Variants in BANK1 observed in about 807,000 individuals in gnomAD.
The protein encoded by BANK1 is B cell scaffold protein with ankyrin repeats 1, also known as B-cell scaffold protein with ankyrin repeats.
A neutral mutation model predicts 94.5 loss-of-function variants in BANK1; 95 were observed. The observed-to-expected ratio is 1.00, with a 90% CI of 0.85 to 1.19. The LOEUF is 1.19. Among genes scored for constraint, BANK1 ranks in the 50% most tolerant of loss-of-function variants. The pLI, the probability that BANK1 is intolerant of heterozygous loss-of-function variation, is 0.00. For synonymous variants in BANK1, 334 were observed against 308.4 expected (o/e 1.08, Z -0.87); for missense variants, 987 against 932.2 (o/e 1.06, Z -0.77).
chr4:101,843,156 AAC>A (rs1352668837), intron 2 of BANK1, among the ~76,000 whole-genome samples: 13 of 152,228 alleles, frequency 8.5e-5, no homozygotes, highest in Non-Finnish European at 1.8e-4. Flanking sequence ...TCAAACAAAA[AAC>A]AGTGTCCACT....
intron 1 of BANK1, among the ~76,000 whole-genome samples, chr4:101,794,785 A>G (rs959190939): frequency 6.6e-6 from 1 of 152,180 alleles, no homozygotes; most frequent in Non-Finnish European, 1.5e-5. Context: ...CTGCACTGAA[A>G]TAATCCAGAA....
intron 7 of BANK1, among the ~76,000 whole-genome samples, chr4:102,015,999 A>G (rs1456973405): frequency 2.0e-5 from 3 of 152,156 alleles, no homozygotes; most frequent in Non-Finnish European, 1.5e-5. Flanking sequence ...ATATCCTTCC[A>G]TGCAACCTAA....
intron 2 of BANK1, among the ~76,000 whole-genome samples, chr4:101,836,454 T>C (rs775483052): frequency 6.6e-6 from 1 of 152,170 alleles, no homozygotes; most frequent in Non-Finnish European, 1.5e-5. Flanking sequence ...CACTCCAACC[T>C]GGGCGACAGA....
intron 5 of BANK1, 49 bp from the exon 6 acceptor site, chr4:101,895,256 T>C: frequency 9.3e-7 from 1 of 1,069,782 alleles, no homozygotes; most frequent in Non-Finnish European, 1.4e-6. Context: ...AATGAGTTTC[T>C]ATGTAAATAA....
At chr4:101,907,391 A>G (rs1578391271) in intron 6 of BANK1, among the ~76,000 whole-genome samples, 1 of 152,212 alleles carries the variant, frequency 6.6e-6, no homozygotes, top group Non-Finnish European at 1.5e-5. Flanking sequence ...ATTAGGTATT[A>G]ATGGAACATA....
At chr4:101,794,739 C>T (rs1015648094) in intron 1 of BANK1, among the ~76,000 whole-genome samples, 4 of 151,984 alleles carry the variant, frequency 2.6e-5, no homozygotes, top group South Asian at 2.1e-4. Context: ...AGGCATTTAC[C>T]CCTGAATTGA....
At position 101,979,237 on chromosome 4, in the gene BANK1, G is replaced by A. The variant is rs146474822; in HGVS notation, c.1207-42277G>A. Among the ~76,000 whole-genome samples, 940 of 151,910 alleles carry A rather than the reference G, an allele frequency of 6.2e-3. 10 individuals carry two copies. Among genetic ancestry groups the A allele is most frequent in the African/African-American group, 0.021 (869 of 41,512 alleles). ...ATTGTTATATTTCACTGCAGCAAAG[G>A]CTTTCTTAAGAAAAAAAACAGACTG... On this transcript the variant is annotated intron_variant, in intron 7 of 16. Transcript: ENST00000322953.
chr4:101,893,438 A>G (rs1721949223), intron 5 of BANK1, among the ~76,000 whole-genome samples: 1 of 152,086 alleles, frequency 6.6e-6, no homozygotes, highest in African/African-American at 2.4e-5. Flanking sequence ...CTCCTCATGT[A>G]AAAATGTCAA....
intron 7 of BANK1, among the ~76,000 whole-genome samples, chr4:101,942,137 C>T (rs1723771439): frequency 6.6e-6 from 1 of 151,878 alleles, no homozygotes; most frequent in African/African-American, 2.4e-5. Context: ...GGGTGACTAC[C>T]AGCCTCAGCA....
intron 11 of BANK1, among the ~76,000 whole-genome samples, chr4:102,056,397 T>G (rs1728228467): frequency 6.6e-6 from 1 of 152,104 alleles, no homozygotes; most frequent in Non-Finnish European, 1.5e-5. Context: ...AAGAGAATGA[T>G]TAAATACTTT....
chr4:101,826,998 GT>G (rs1264015940), intron 1 of BANK1, among the ~76,000 whole-genome samples: 1 of 151,862 alleles, frequency 6.6e-6, no homozygotes, highest in Non-Finnish European at 1.5e-5. Context: ...TACATGCTCT[GT>G]TTTCAGAGGA....
chr4:101,895,407 A>T lies in BANK1; in HGVS notation c.1006A>T (p.Lys336Ter). Residue 336 changes from lysine (K) to a stop codon, truncating the protein, a stop_gained, in exon 6 of 17, where the codon AAA (lysine) becomes TAA (stop). Transcript: ENST00000322953. LOFTEE classifies it high-confidence loss of function. ...SLQTEICSQN[K>*]YTHFKELPTL... ...TCAAACTGAAATTTGTTCTCAAAAC[A>T]AATGTGAGTATTTTCCAGCTGCATC... 6.6e-7 allele frequency: 1 copy of T among 1,520,886 alleles called. No individual in the cohort carries two copies. Among genetic ancestry groups the T allele is most frequent in the Non-Finnish European group, 9.1e-7 (1 of 1,104,514 alleles). 94.2% of individuals were successfully genotyped at this position (1,520,886 alleles called of 1,614,324 possible).
At chr4:101,791,018 G>A in intron 1 of BANK1, 68 bp downstream of exon 1, 1 of 1,307,742 alleles carries the variant, frequency 7.6e-7, no homozygotes, top group Non-Finnish European at 1.0e-6. Context: ...GGAGACCACG[G>A]GCCATCGTTA....
At chr4:101,895,556 C>A (rs958756872) in intron 6 of BANK1, 146 bp downstream of exon 6, 30 of 516,562 alleles carry the variant, frequency 5.8e-5, no homozygotes, top group Non-Finnish European at 8.6e-5. Context: ...TGAAAGGGTA[C>A]ATTAGTACAA....
intron 13 of BANK1, among the ~76,000 whole-genome samples, chr4:102,064,835 A>C (rs1728537057): frequency 6.6e-6 from 1 of 152,152 alleles, no homozygotes; most frequent in Non-Finnish European, 1.5e-5. Context: ...TCCTGACTAC[A>C]CTCTGAGCAA....
chr4:102,053,903 T>C (rs1457063336), intron 11 of BANK1, among the ~76,000 whole-genome samples: 1 of 151,816 alleles, frequency 6.6e-6, no homozygotes, highest in Admixed American at 6.6e-5. Flanking sequence ...ATAAAAAATC[T>C]GAAATTTTAA....
intron 4 of BANK1, among the ~76,000 whole-genome samples, chr4:101,866,276 A>C (rs1164548940): frequency 6.6e-6 from 1 of 152,172 alleles, no homozygotes; most frequent in African/African-American, 2.4e-5. Flanking sequence ...GAATTTGAAG[A>C]CAGGTCAATG....
At chr4:101,874,194 C>T (rs1313924655) in intron 5 of BANK1, among the ~76,000 whole-genome samples, 1 of 151,970 alleles carries the variant, frequency 6.6e-6, no homozygotes, top group Non-Finnish European at 1.5e-5. Flanking sequence ...ATGTATTATT[C>T]AATCTTTGAT....
At chr4:101,901,187 C>T (rs1230690627) in intron 6 of BANK1, among the ~76,000 whole-genome samples, 2 of 152,086 alleles carry the variant, frequency 1.3e-5, no homozygotes, top group African/African-American at 4.8e-5. Flanking sequence ...ATTGGTTTCT[C>T]GTGAAACTCA....
Sources: allele counts gnomAD v4.1 joint callset (sites outside exome capture counted in the v4.1 genomes callset), GRCh38; gene constraint gnomAD v4.1.1; transcripts MANE v1.5; gene names NCBI Gene and HGNC (gene_info 2026-07-23, HGNC 2026-07-21).